CNTNAP2: variants seen among roughly 807,000 people sequenced by gnomAD.
CNTNAP2 encodes the protein contactin-associated protein-like 2.
In CNTNAP2, 98 loss-of-function variants were observed where a neutral mutation model predicts 155.2. That is an observed-to-expected ratio of 0.63 (90% CI 0.54 to 0.75). The LOEUF is 0.75. Among genes scored for constraint, CNTNAP2 ranks in the 30% least tolerant of loss-of-function variants. The probability of loss-of-function intolerance (pLI) is 0.00; values close to 1 mark genes in which losing one functional copy is unlikely to be tolerated. For missense variants in CNTNAP2, 1,727 were observed against 1,688.1 expected (o/e 1.02, Z -0.40); for synonymous variants, 651 against 631.2 (o/e 1.03, Z -0.47).
At chr7:147,039,960 C>G (rs1799227490) in intron 3 of CNTNAP2, among the ~76,000 whole-genome samples, 1 of 152,150 alleles carries the variant, frequency 6.6e-6, no homozygotes, top group Non-Finnish European at 1.5e-5. Flanking sequence ...CAAATGGGAT[C>G]TAATTAAACC....
chr7:147,399,056 G>A (rs1358464165), intron 10 of CNTNAP2, among the ~76,000 whole-genome samples: 1 of 152,026 alleles, frequency 6.6e-6, no homozygotes, highest in East Asian at 1.9e-4. Flanking sequence ...ATGTACTAAT[G>A]CAGGGAAAGA....
At chr7:146,830,974 C>A (rs1803497824) in intron 2 of CNTNAP2, among the ~76,000 whole-genome samples, 2 of 152,164 alleles carry the variant, frequency 1.3e-5, no homozygotes, top group Admixed American at 1.3e-4. Context: ...TATCTCCCAG[C>A]CCACATTTTA....
At chr7:146,622,099 C>T (rs1363168273) in intron 1 of CNTNAP2, among the ~76,000 whole-genome samples, 1 of 149,100 alleles carries the variant, frequency 6.7e-6, no homozygotes, top group Non-Finnish European at 1.5e-5. Context: ...TATTTTCTGG[C>T]ATTACAACTT....
chr7:146,841,452 G>A (rs962694182), intron 3 of CNTNAP2, among the ~76,000 whole-genome samples: 2 of 152,002 alleles, frequency 1.3e-5, no homozygotes, highest in East Asian at 3.9e-4. Context: ...AACAGTGAAG[G>A]CTTGGATCAC....
chr7:148,163,429 T>TCAGAC (rs890003341), intron 17 of CNTNAP2, among the ~76,000 whole-genome samples: 5 of 152,176 alleles, frequency 3.3e-5, no homozygotes, highest in Non-Finnish European at 7.4e-5. Context: ...CTACAATGAA[T>TCAGAC]CAGACCACTT....
intron 10 of CNTNAP2, among the ~76,000 whole-genome samples, chr7:147,462,303 C>T (rs890802021): frequency 4.1e-4 from 63 of 152,170 alleles, no homozygotes; most frequent in Admixed American, 3.5e-3. Context: ...CTTAGAGTCC[C>T]CAGTGCTTCA....
intron 3 of CNTNAP2, among the ~76,000 whole-genome samples, chr7:146,925,953 T>C (rs1196856348): frequency 1.3e-5 from 2 of 152,132 alleles, no homozygotes; most frequent in East Asian, 3.9e-4. Context: ...TTCATTCTTT[T>C]GTGCAGAAGC....
intron 13 of CNTNAP2, among the ~76,000 whole-genome samples, chr7:147,749,586 G>T (rs1227749236): frequency 6.6e-6 from 1 of 152,110 alleles, no homozygotes; most frequent in Admixed American, 6.5e-5. Context: ...TCCCAAAAAT[G>T]ATGATTTTTC....
intron 13 of CNTNAP2, among the ~76,000 whole-genome samples, chr7:147,802,433 G>A (rs1279863630): frequency 6.6e-6 from 1 of 152,132 alleles, no homozygotes; most frequent in Non-Finnish European, 1.5e-5. Context: ...GCGGCTGGGA[G>A]GTGGAAGTTG....
At chr7:147,954,639 A>C (rs1475698215) in intron 14 of CNTNAP2, among the ~76,000 whole-genome samples, 5 of 152,270 alleles carry the variant, frequency 3.3e-5, no homozygotes, top group African/African-American at 4.8e-5. Context: ...AATAATTGCT[A>C]TTTGAATGCT....
In CNTNAP2 at chr7:147,247,969, G is replaced by A. The variant is rs1178827683; in HGVS notation, c.1349-52172G>A. Among the ~76,000 whole-genome samples, 2 of 152,106 alleles carry A rather than the reference G, an allele frequency of 1.3e-5. 1 individual carries two copies. Among genetic ancestry groups the A allele is most frequent in the Admixed American group, 1.3e-4 (2 of 15,268 alleles). ...AAAAAAGGTATAAGGGGATGATAAA[G>A]AGGAGGCCAGAAAGAAAAGAAAATA... On this transcript the variant is annotated intron_variant, in intron 8 of 23. Coordinates refer to ENST00000361727, the MANE Select transcript of CNTNAP2 (RefSeq NM_014141.6).
chr7:146,634,679 G>A (rs184831105), intron 1 of CNTNAP2, among the ~76,000 whole-genome samples: 1 of 152,272 alleles, frequency 6.6e-6, no homozygotes, highest in Admixed American at 6.5e-5. Context: ...ATGCAGTGTT[G>A]ATGACAAGCT....
intron 14 of CNTNAP2, among the ~76,000 whole-genome samples, chr7:147,941,901 A>C (rs372019387): frequency 8.3e-4 from 127 of 152,372 alleles, no homozygotes; most frequent in African/African-American, 2.9e-3. Context: ...AGTCAGAGCC[A>C]GCTATACCGA....
At chr7:147,625,616 G>A (rs1406778795) in intron 12 of CNTNAP2, among the ~76,000 whole-genome samples, 1 of 152,138 alleles carries the variant, frequency 6.6e-6, no homozygotes, top group Non-Finnish European at 1.5e-5. Context: ...CATGGCACTG[G>A]ACTTGGTGGG....
rs567587062 is a variant in CNTNAP2, at chr7:147,181,230, C to T, written c.1348+48721C>T. On this transcript the variant is annotated intron_variant, in intron 8 of 23. Transcript: ENST00000361727. ...CAGGTGGCCCAGAGAGACCAGAAGCCGGAGATCCGGGAAAACACATCTCCA... is the reference window on the plus strand; with the variant it reads ...CAGGTGGCCCAGAGAGACCAGAAGCTGGAGATCCGGGAAAACACATCTCCA... Among the ~76,000 whole-genome samples the T allele has an allele frequency of 7.2e-5, 11 of 152,094 alleles. No homozygotes were observed. In the East Asian group the frequency reaches 1.2e-3, roughly 16 times the overall value.
intron 1 of CNTNAP2, among the ~76,000 whole-genome samples, chr7:146,218,563 AAAAT>A (rs1584807784): frequency 1.3e-5 from 2 of 152,042 alleles, no homozygotes; most frequent in African/African-American, 2.4e-5. Context: ...CATCAAGGTT[AAAAT>A]AAATAAACGA....
chr7:146,681,928 G>A (rs1044551581), intron 1 of CNTNAP2, among the ~76,000 whole-genome samples: 1 of 152,022 alleles, frequency 6.6e-6, no homozygotes, highest in African/African-American at 2.4e-5. Flanking sequence ...ATTCCACATA[G>A]TATTTCAGGT....
At chr7:146,366,998 A>G (rs1265936714) in intron 1 of CNTNAP2, among the ~76,000 whole-genome samples, 1 of 152,182 alleles carries the variant, frequency 6.6e-6, no homozygotes, top group Admixed American at 6.5e-5. Flanking sequence ...AGTTAATTTC[A>G]AAATAGACAG....
At chr7:148,051,717 T>C (rs1802892764) in intron 15 of CNTNAP2, among the ~76,000 whole-genome samples, 1 of 152,188 alleles carries the variant, frequency 6.6e-6, no homozygotes, top group Admixed American at 6.5e-5. Context: ...CTTTAAAAAA[T>C]AGTTTCTATT....
Sources: allele counts gnomAD v4.1 joint callset (sites outside exome capture counted in the v4.1 genomes callset), GRCh38; gene constraint gnomAD v4.1.1; transcripts MANE v1.5; gene names NCBI Gene and HGNC (gene_info 2026-07-23, HGNC 2026-07-21).